The following ARFGEF3 variants were observed in gnomAD, a reference collection of about 807,000 sequenced individuals.
The protein encoded by ARFGEF3 is brefeldin A-inhibited guanine nucleotide-exchange protein 3.
In ARFGEF3, 96 loss-of-function variants were observed where a neutral mutation model predicts 221.7. The observed-to-expected ratio is 0.43, with a 90% confidence interval of 0.37 to 0.51. ARFGEF3 has a LOEUF of 0.51. ARFGEF3 is among the 20% of genes least tolerant of loss of function. ARFGEF3 has a pLI of 0.00. For missense variants in ARFGEF3, 2,410 were observed against 2,789.9 expected, an observed-to-expected ratio of 0.86 and a Z score of 3.07; for synonymous variants, 1,145 against 1,126.8, an observed-to-expected ratio of 1.02 and a Z score of -0.32.
intron 4 of ARFGEF3, among the ~76,000 whole-genome samples, chr6:138,213,107 T>C (rs59264815): frequency 0.023 from 3,495 of 151,822 alleles, 144 homozygotes; most frequent in African/African-American, 0.078. Context: ...GCTAACATGG[T>C]GAAACCCCTT....
At chr6:138,298,954 C>T (rs1327958576) in intron 22 of ARFGEF3, among the ~76,000 whole-genome samples, 169 bp downstream of exon 22, 1 of 152,128 alleles carries the variant, frequency 6.6e-6, no homozygotes, top group African/African-American at 2.4e-5. Flanking sequence ...AATCCCAGCA[C>T]TTTGGGAGGC....
In ARFGEF3 at chr6:138,334,645, G is replaced by C; in HGVS notation, c.5799G>C (p.Lys1933Asn). ...ENCMEEPPIF[K>N]GDPFFILPSF... ...GTATGGAGGAGCCTCCCATCTTCAA[G>C]GGCGACCCGTTCTTCATCCTGCCCT... Residue 1933 changes from lysine to asparagine, a missense_variant, in exon 33 of 34, where the codon AAG becomes AAC. Lys to Asn is a moderately conservative substitution (Grantham distance 94). Around this residue, in one of 5 missense-constraint regions of ARFGEF3, gnomAD observed 339 missense variants for 334.9 expected, o/e 1.01. Transcript: ENST00000251691. This position sits in a 1 kb window ranked among gnomAD's most constrained non-coding sequence, Gnocchi z 5.1. 6.2e-7 allele frequency: 1 copy of C among 1,613,488 alleles called. No individual in the cohort carries two copies. Among genetic ancestry groups the C allele is most frequent in the Non-Finnish European group, 8.5e-7 (1 of 1,179,794 alleles).
In ARFGEF3 at chr6:138,311,440, C is replaced by G; in HGVS notation, c.4130C>G (p.Ala1377Gly). ...EVDCKEIGDC[A>G]PAPGAPSTDL... ...GACTGTAAAGAGATTGGAGACTGTGCCCCAGCACCCGGAGCCCCGTCCACA... is the reference window on the plus strand; with the variant it reads ...GACTGTAAAGAGATTGGAGACTGTGGCCCAGCACCCGGAGCCCCGTCCACA... The change falls in exon 25 of 34, where the codon GCC becomes GGC. Residue 1377 changes from alanine (A) to glycine (G), a missense_variant. By Grantham distance (60) the Ala-to-Gly change is moderately conservative. Coordinates refer to ENST00000251691, the MANE Select transcript of ARFGEF3 (RefSeq NM_020340.5). 1 of 1,608,536 alleles carries G rather than the reference C, an allele frequency of 6.2e-7. No homozygotes were observed. The highest frequency in any genetic ancestry group is 8.5e-7 in the Non-Finnish European group (1 of 1,177,818).
intron 17 of ARFGEF3, among the ~76,000 whole-genome samples, chr6:138,289,114 C>T (rs144204224): frequency 1.1e-3 from 161 of 152,212 alleles, no homozygotes; most frequent in African/African-American, 3.5e-3. Flanking sequence ...CCACCATGCC[C>T]GGCTAATTTT....
Position 138,291,917 on chromosome 6 carries a change from G to C in ARFGEF3, c.3232G>C (p.Val1078Leu), listed in dbSNP as rs1375065213. 6.7e-7 allele frequency: 1 copy of C among 1,490,408 alleles called. No individual in the cohort carries two copies. The highest frequency in any genetic ancestry group is 9.0e-7 in the Non-Finnish European group (1 of 1,116,568). The allele number at this position is 1,490,408 out of a possible 1,614,324, so 92.3% of individuals were successfully genotyped here. A position where few individuals can be genotyped will look rare whatever the true frequency, so the allele number is the denominator to read the frequency against. Residue 1078 changes from valine (V) to leucine (L), a missense_variant, in exon 19 of 34, where the codon GTC becomes CTC. By Grantham distance (32) the Val-to-Leu change is conservative (BLOSUM62 1). Around this residue, in one of 5 missense-constraint regions of ARFGEF3, gnomAD observed 184 missense variants for 141.8 expected, o/e 1.30. Coordinates refer to ENST00000251691, the MANE Select transcript of ARFGEF3 (RefSeq NM_020340.5). This position sits in a 1 kb window ranked among gnomAD's most constrained non-coding sequence, Gnocchi z 4.5. ...GGGGCGCTCCCTGAGCACGGCCCCTGTCGTCCAGCCCCTGTCCATCCAGGA... is the reference window on the plus strand; with the variant it reads ...GGGGCGCTCCCTGAGCACGGCCCCTCTCGTCCAGCCCCTGTCCATCCAGGA... Reference protein sequence around the residue: ...EQGRSLSTAPVVQPLSIQDLV... With the variant: ...EQGRSLSTAPLVQPLSIQDLV...
intron 29 of ARFGEF3, among the ~76,000 whole-genome samples, chr6:138,322,131 C>T (rs1780042435): frequency 1.3e-5 from 2 of 152,064 alleles, no homozygotes; most frequent in African/African-American, 4.8e-5. Flanking sequence ...GGGTGGGCCT[C>T]GTCCAATCAG....
chr6:138,169,916 A>C (rs867333472), intron 1 of ARFGEF3, among the ~76,000 whole-genome samples: 11 of 152,204 alleles, frequency 7.2e-5, no homozygotes, highest in African/African-American at 2.7e-4. Flanking sequence ...CCCCAATGAA[A>C]ATAGTTCAGA....
chr6:138,254,012 G>C (rs759558604), intron 9 of ARFGEF3, 28 bp downstream of exon 9: 21 of 1,468,964 alleles, frequency 1.4e-5, no homozygotes, highest in Non-Finnish European at 1.9e-5. Context: ...ACGCCCCGAC[G>C]CTGATGCCAA....
At chr6:138,172,957 C>T (rs1350003617) in intron 2 of ARFGEF3, among the ~76,000 whole-genome samples, 1 of 151,996 alleles carries the variant, frequency 6.6e-6, no homozygotes, top group Non-Finnish European at 1.5e-5. Flanking sequence ...CTTATGGTTA[C>T]AGGAAATATT....
At position 138,304,331 on chromosome 6, in the gene ARFGEF3, A is replaced by C. The variant is rs897601767; in HGVS notation, c.3829-2922A>C. On this transcript the variant is annotated intron_variant, in intron 22 of 33. Transcript: ENST00000251691. ...CAAAAAGTACATTAGTGGTTGCCTCAGGCTGAGGGTGGGGTGGTGGAGTAG... is the reference window on the plus strand; with the variant it reads ...CAAAAAGTACATTAGTGGTTGCCTCCGGCTGAGGGTGGGGTGGTGGAGTAG... Among the ~76,000 whole-genome samples the C allele has an allele frequency of 2.6e-5, 4 of 152,318 alleles. No individual in the cohort carries two copies. The South Asian group carries it at 6.2e-4, about 24-fold the overall frequency.
chr6:138,266,454 G>C (rs185223421), intron 12 of ARFGEF3, among the ~76,000 whole-genome samples: 128 of 152,124 alleles, frequency 8.4e-4, no homozygotes, highest in Non-Finnish European at 1.4e-3. Context: ...GTTCTGGCTG[G>C]TCTCAAACTC....
Position 138,336,366 on chromosome 6 carries a change from C to G in ARFGEF3, c.6414C>G (p.Leu2138=). The change falls in exon 34 of 34, where the codon CTC becomes CTG. Residue 2138 remains leucine, a synonymous_variant. Transcript: ENST00000251691. ...TCCCAGACCAGACCTTCACGGCCCTCCAGCCCGCAGTGTTCCCGTGCATCA... is the reference window on the plus strand; with the variant it reads ...TCCCAGACCAGACCTTCACGGCCCTGCAGCCCGCAGTGTTCCCGTGCATCA... ...QILPDQTFTA[L]QPAVFPCISQ... is the part of the protein sequence containing the mutation. 2 of 1,612,112 alleles carry G rather than the reference C, an allele frequency of 1.2e-6. No homozygotes were observed. Among genetic ancestry groups the G allele is most frequent in the African/African-American group, 1.3e-5 (1 of 74,976 alleles).
chr6:138,317,513 C>T, intron 27 of ARFGEF3, 134 bp downstream of exon 27: 1 of 1,056,548 alleles, frequency 9.5e-7, no homozygotes, highest in Non-Finnish European at 1.4e-6. Flanking sequence ...AAGAGGTGCT[C>T]AATAAATGTT....
intron 2 of ARFGEF3, among the ~76,000 whole-genome samples, chr6:138,193,851 A>G (rs1777358362): frequency 6.6e-6 from 1 of 152,118 alleles, no homozygotes; most frequent in Admixed American, 6.6e-5. Flanking sequence ...TCTCAAAATT[A>G]TTAGTTTTGT....
intron 5 of ARFGEF3, among the ~76,000 whole-genome samples, chr6:138,233,980 C>T (rs1433784378): frequency 6.6e-6 from 1 of 152,180 alleles, no homozygotes; most frequent in Non-Finnish European, 1.5e-5. Flanking sequence ...GAAACCCTTT[C>T]TTTCCTGTGT....
Position 138,201,868 on chromosome 6 carries a change from A to G in ARFGEF3, c.138-5174A>G, listed in dbSNP as rs78328202. Among the ~76,000 whole-genome samples, 4 of 152,296 alleles carry G rather than the reference A, an allele frequency of 2.6e-5. No homozygotes were observed. The South Asian group carries it at 8.3e-4, about 32-fold the overall frequency. On this transcript the variant is annotated intron_variant, in intron 2 of 33. Transcript: ENST00000251691. ...ACATTGGTGCTTGTATTGAAAGATA[A>G]TTATTGGTAAATCCTAACTCTTCCT...
intron 5 of ARFGEF3, 129 bp downstream of exon 5, chr6:138,229,981 C>T (rs542722329): frequency 2.0e-4 from 154 of 772,412 alleles, no homozygotes; most frequent in Non-Finnish European, 3.1e-4. Flanking sequence ...GGGGAATTTC[C>T]GCTAAGGAAT....
chr6:138,207,769 A>G (rs1455930899), intron 3 of ARFGEF3, among the ~76,000 whole-genome samples: 1 of 152,198 alleles, frequency 6.6e-6, no homozygotes, highest in Non-Finnish European at 1.5e-5. Flanking sequence ...TGTGAAGTTG[A>G]AGCCTGCAGG....
At chr6:138,302,337 G>A (rs1779641955) in intron 22 of ARFGEF3, among the ~76,000 whole-genome samples, 1 of 152,158 alleles carries the variant, frequency 6.6e-6, no homozygotes, top group South Asian at 2.1e-4. Flanking sequence ...TTACCAGAAA[G>A]AGATGGCAGA....
Sources: allele counts gnomAD v4.1 joint callset (sites outside exome capture counted in the v4.1 genomes callset), GRCh38; gene constraint gnomAD v4.1.1; regional missense constraint gnomAD v4.1.1; non-coding constraint Gnocchi (gnomAD v3.1); transcripts MANE v1.5; gene names NCBI Gene and HGNC (gene_info 2026-07-23, HGNC 2026-07-21).